The following FGF14 variants were observed in gnomAD, a reference collection of about 807,000 sequenced individuals.
FGF14 encodes the protein fibroblast growth factor homologous factor 4.
A neutral mutation model predicts 25.5 loss-of-function variants in FGF14; 5 were observed. The ratio of observed to expected loss-of-function variants is 0.20; its 90% CI spans 0.10 to 0.41. FGF14 has a LOEUF of 0.41. Ranked by LOEUF, FGF14 falls within the 10% of genes least tolerant of loss-of-function variation. FGF14 has a pLI of 1.00. For synonymous variants in FGF14, 138 were observed against 118.3 expected (o/e 1.17, Z -1.08); for missense variants, 222 against 320.1 (o/e 0.69, Z 2.34).
chr13:102,295,288 G>A (rs142355163), intron 1 of FGF14, among the ~76,000 whole-genome samples: 167 of 152,094 alleles, frequency 1.1e-3, no homozygotes, highest in African/African-American at 3.8e-3. Flanking sequence ...ATTCACTTTC[G>A]TCTCTGTCCC....
At chr13:102,007,578 G>T (rs1456603537) in intron 1 of FGF14, among the ~76,000 whole-genome samples, 2 of 152,188 alleles carry the variant, frequency 1.3e-5, no homozygotes, top group Non-Finnish European at 2.9e-5. Flanking sequence ...CTCTGACACT[G>T]TCCAACAGGT....
At chr13:102,355,969 T>C (rs1308775578) in intron 1 of FGF14, among the ~76,000 whole-genome samples, 1 of 152,170 alleles carries the variant, frequency 6.6e-6, no homozygotes, top group East Asian at 1.9e-4. Flanking sequence ...ACAGAGAGAA[T>C]AGCAGTTGAG....
In FGF14 at chr13:101,758,652, C is replaced by T. The variant is rs184784100; in HGVS notation, c.409-31842G>A. 4.6e-5 allele frequency among the ~76,000 whole-genome samples: 7 copies of T among 152,270 alleles called. 1 individual carries two copies. Among genetic ancestry groups the T allele is most frequent in the Admixed American group, 3.3e-4 (5 of 15,300 alleles). On this transcript the variant is annotated intron_variant, in intron 3 of 4. Transcript: ENST00000376143. ...CAGAAATCTAAACCTAATACTTTCT[C>T]TTATTTCTTGACCTAACTTTCTAGT...
At chr13:101,972,636 TGATA>T (rs1485230019) in intron 1 of FGF14, among the ~76,000 whole-genome samples, 1 of 151,802 alleles carries the variant, frequency 6.6e-6, no homozygotes. Flanking sequence ...TCAATCTTAT[TGATA>T]AATTCTTTCT....
At chr13:102,028,260 C>T (rs922068162) in intron 1 of FGF14, among the ~76,000 whole-genome samples, 1 of 151,946 alleles carries the variant, frequency 6.6e-6, no homozygotes, top group Admixed American at 6.6e-5. Context: ...GAGATGGTAC[C>T]TTTGGGAGGT....
At chr13:101,769,995 G>A (rs1467136295) in intron 3 of FGF14, among the ~76,000 whole-genome samples, 1 of 152,078 alleles carries the variant, frequency 6.6e-6, no homozygotes, top group Non-Finnish European at 1.5e-5. Flanking sequence ...TTCATCAATT[G>A]TCACAAATGC....
At chr13:101,827,920 T>C (rs757632896) in intron 3 of FGF14, among the ~76,000 whole-genome samples, 1 of 139,012 alleles carries the variant, frequency 7.2e-6, no homozygotes, top group African/African-American at 2.6e-5. Context: ...ATGTGGCTAA[T>C]TTCTAAAAAA....
At chr13:101,941,255 T>C (rs1241297749) in intron 1 of FGF14, among the ~76,000 whole-genome samples, 3 of 152,202 alleles carry the variant, frequency 2.0e-5, no homozygotes, top group Non-Finnish European at 1.5e-5. Context: ...AGCCTTCATG[T>C]GTAGTGTATG....
intron 1 of FGF14, among the ~76,000 whole-genome samples, chr13:102,069,863 T>C (rs1051507303): frequency 2.0e-5 from 3 of 152,128 alleles, no homozygotes; most frequent in African/African-American, 7.2e-5. Flanking sequence ...ATCCCAGCAC[T>C]TTGGGAGGCT....
chr13:101,975,373 A>AC (rs896100302), intron 1 of FGF14, among the ~76,000 whole-genome samples: 17 of 151,416 alleles, frequency 1.1e-4, no homozygotes, highest in African/African-American at 2.9e-4. Context: ...CTTATGCCTG[A>AC]CCCCCCACCA....
chr13:102,261,142 G>A (rs117891033), intron 1 of FGF14, among the ~76,000 whole-genome samples: 2,753 of 152,298 alleles, frequency 0.018, 51 homozygotes, highest in Admixed American at 0.073. Flanking sequence ...AGGGCAAAAA[G>A]ACCATGGGAT....
chr13:101,823,964 T>C (rs1049401579), intron 3 of FGF14, among the ~76,000 whole-genome samples: 3 of 151,924 alleles, frequency 2.0e-5, no homozygotes, highest in Admixed American at 6.6e-5. Context: ...TCTGGTATTC[T>C]ACATAATTCT....
chr13:101,848,570 C>T (rs1206103255), intron 3 of FGF14, among the ~76,000 whole-genome samples: 3 of 151,854 alleles, frequency 2.0e-5, no homozygotes, highest in African/African-American at 7.3e-5. Context: ...TTGGTAAATC[C>T]AGGAACTATA....
intron 1 of FGF14, among the ~76,000 whole-genome samples, chr13:101,914,255 A>T (rs2033247074): frequency 6.6e-6 from 1 of 151,288 alleles, no homozygotes; most frequent in South Asian, 2.1e-4. Flanking sequence ...GTCGATATAT[A>T]ATTTACATAA....
At chr13:102,136,893 T>G (rs545473773) in intron 1 of FGF14, among the ~76,000 whole-genome samples, 1 of 152,326 alleles carries the variant, frequency 6.6e-6, no homozygotes, top group Admixed American at 6.5e-5. Flanking sequence ...TCTCCCATAC[T>G]TGGCTAATGG....
intron 1 of FGF14, among the ~76,000 whole-genome samples, chr13:102,095,281 AGTAG>A (rs1170986668): frequency 2.6e-5 from 4 of 152,168 alleles, no homozygotes; most frequent in Non-Finnish European, 4.4e-5. Flanking sequence ...GGACCGCCAG[AGTAG>A]AGAAATTAAC....
chr13:101,983,785 T>C (rs1046316853), intron 1 of FGF14, among the ~76,000 whole-genome samples: 27 of 152,140 alleles, frequency 1.8e-4, no homozygotes, highest in African/African-American at 6.3e-4. Context: ...ATAGACTACC[T>C]GAAAAATAAG....
intron 3 of FGF14, among the ~76,000 whole-genome samples, chr13:101,838,567 A>G (rs2043041272): frequency 6.6e-6 from 1 of 152,104 alleles, no homozygotes; most frequent in Non-Finnish European, 1.5e-5. Flanking sequence ...CATAACCTTC[A>G]TAAGAACTCT....
intron 1 of FGF14, among the ~76,000 whole-genome samples, chr13:102,134,153 C>A (rs1295599514): frequency 6.6e-6 from 1 of 152,158 alleles, no homozygotes; most frequent in Admixed American, 6.5e-5. Context: ...AGACTAAAAT[C>A]TCTTCAGAAA....
Sources: allele counts gnomAD v4.1 joint callset (sites outside exome capture counted in the v4.1 genomes callset), GRCh38; gene constraint gnomAD v4.1.1; transcripts MANE v1.5; gene names NCBI Gene and HGNC (gene_info 2026-07-23, HGNC 2026-07-21).